Variants in ZCCHC2 observed in about 807,000 individuals in gnomAD.
ZCCHC2 encodes zinc finger CCHC domain-containing protein 2.
A neutral mutation model predicts 103.6 loss-of-function variants in ZCCHC2; 39 were observed. The ratio of observed to expected loss-of-function variants is 0.38; its 90% CI spans 0.29 to 0.49. ZCCHC2 has a LOEUF of 0.49. Ranked by LOEUF, ZCCHC2 falls within the 20% of genes least tolerant of loss-of-function variation. The pLI is 0.96. For missense variants in ZCCHC2, 1,483 were observed against 1,491.0 expected, an observed-to-expected ratio of 0.99 and a Z score of 0.09; for synonymous variants, 687 against 608.9, an observed-to-expected ratio of 1.13 and a Z score of -1.89.
chr18:62,543,165 C>T lies in ZCCHC2; in HGVS notation c.1128+591C>T, dbSNP rs575927265. On this transcript the variant is annotated intron_variant, in intron 3 of 13. Transcript: ENST00000269499. ...TTTTCTCCTCAGGTTGGATGGCACG[C>T]ACCCTGAAGCCAGGTGGAACCATGC... 1.2e-4 allele frequency among the ~76,000 whole-genome samples: 19 copies of T among 152,270 alleles called. No individual in the cohort carries two copies. The East Asian group carries it at 3.3e-3, about 26-fold the overall frequency.
At position 62,554,155 on chromosome 18, in the gene ZCCHC2, C is replaced by A. The variant is rs562424383; in HGVS notation, c.1314-2048C>A. 5.3e-5 allele frequency among the ~76,000 whole-genome samples: 8 copies of A among 152,290 alleles called. No individual in the cohort carries two copies. The East Asian group carries it at 1.3e-3, about 26-fold the overall frequency. On this transcript the variant is annotated intron_variant, in intron 5 of 13. Coordinates refer to ENST00000269499, the MANE Select transcript of ZCCHC2 (RefSeq NM_017742.6). ...ATTTTCCCAAATGGCTGGCCTGTGG[C>A]CTCAACACCATTAATAGGATGTCAG...
At position 62,543,964 on chromosome 18, in the gene ZCCHC2, GCCAGTTAATAAAGATA is replaced by G. The variant is rs1380075619; in HGVS notation, c.1129-834_1129-819del. Among the ~76,000 whole-genome samples the G allele has an allele frequency of 3.3e-5, 5 of 152,120 alleles. No individual in the cohort carries two copies. In the East Asian group the frequency reaches 9.6e-4, roughly 29 times the overall value. Reference sequence around the variant, plus strand: ...ATGTGCCAGTAAAGTAAATAAATGTGCCAGTTAATAAAGATACCAATTTTAGACTTGTAGATAAAAT... The same window carrying G: ...ATGTGCCAGTAAAGTAAATAAATGTGCCAATTTTAGACTTGTAGATAAAAT... On this transcript the variant is annotated intron_variant, in intron 3 of 13. Transcript: ENST00000269499.
rs748361625 is a variant in ZCCHC2 at position 62,574,212 on chromosome 18, C to A, written c.2131C>A (p.Pro711Thr). 8 of 1,614,032 alleles carry A rather than the reference C, an allele frequency of 5.0e-6. No individual in the cohort carries two copies. The highest frequency in any genetic ancestry group is 5.9e-6 in the Non-Finnish European group (7 of 1,179,898). ...GNLLEDPLNS[P>T]KYQHISFMPT... is the part of the protein sequence containing the mutation. ...CCTTTTAGAAGATCCCTTAAACTCA[C>A]CCAAGTATCAGCATATTTCTTTTAT... is the stretch of plus-strand genomic sequence containing the variant. Residue 711 changes from proline (P) to threonine (T), a missense_variant, in exon 13 of 14, where the codon CCC (proline) becomes ACC (threonine). Transcript: ENST00000269499.
rs751668345 is a variant in ZCCHC2, at chr18:62,575,370, G to A, written c.3289G>A (p.Gly1097Ser). ...DPVMGSQANY[G>S]MQQMAGFGRF... ...AGTCATGGGGAGCCAAGCCAACTAT[G>A]GCATGCAGCAGATGGCAGGATTTGG... Residue 1097 changes from glycine (G) to serine (S), a missense_variant, in exon 13 of 14, where the codon GGC becomes AGC. By Grantham distance (56) the Gly-to-Ser change is moderately conservative. Transcript: ENST00000269499. The A allele has an allele frequency of 1.2e-6, 2 of 1,613,824 alleles. No individual in the cohort carries two copies. Among genetic ancestry groups the A allele is most frequent in the African/African-American group, 2.7e-5 (2 of 74,918 alleles).
chr18:62,568,502 T>C (rs1468043218), intron 11 of ZCCHC2, among the ~76,000 whole-genome samples: 2 of 152,230 alleles, frequency 1.3e-5, no homozygotes, highest in African/African-American at 4.8e-5. Flanking sequence ...TTCAGTTCTT[T>C]GGAAGCTGCG....
intron 7 of ZCCHC2, chr18:62,560,314 T>C (rs1237639786): frequency 3.4e-6 from 1 of 297,120 alleles, no homozygotes; most frequent in Non-Finnish European, 6.2e-6. Context: ...TTGGATGTTT[T>C]AGTTTTGTAG....
intron 1 of ZCCHC2, chr18:62,524,784 C>G (rs1026755119): frequency 3.4e-5 from 6 of 176,168 alleles, no homozygotes; most frequent in African/African-American, 1.4e-4. Flanking sequence ...CAGGCAGCGC[C>G]GTCCTTCCCC....
intron 4 of ZCCHC2, among the ~76,000 whole-genome samples, chr18:62,549,454 C>T (rs528881875): frequency 2.6e-5 from 4 of 152,324 alleles, no homozygotes; most frequent in African/African-American, 9.6e-5. Context: ...AGAAAATTTA[C>T]TTCGGACTTC....
At chr18:62,538,679 A>G (rs547640405) in intron 1 of ZCCHC2, among the ~76,000 whole-genome samples, 19 of 152,334 alleles carry the variant, frequency 1.2e-4, no homozygotes, top group South Asian at 6.2e-4. Flanking sequence ...GCAGAAGTTT[A>G]GCTCCCAAAA....
chr18:62,550,282 A>G, intron 4 of ZCCHC2, 66 bp from the exon 5 acceptor site: 1 of 1,220,292 alleles, frequency 8.2e-7, no homozygotes, highest in Non-Finnish European at 1.2e-6. Flanking sequence ...TTATGCATAT[A>G]ACTTGTAACA....
At chr18:62,579,816 G>A (rs1007680146), downstream of ZCCHC2, among the ~76,000 whole-genome samples, 6 of 151,952 alleles carry the variant, frequency 3.9e-5, no homozygotes, top group Non-Finnish European at 7.4e-5. Context: ...TCCACCTCCC[G>A]GGTTCAAGTG....
chr18:62,582,543 G>A (rs982068302), downstream of ZCCHC2, among the ~76,000 whole-genome samples: 1 of 152,166 alleles, frequency 6.6e-6, no homozygotes, highest in Non-Finnish European at 1.5e-5. Flanking sequence ...GCCGGGCATG[G>A]TGGTGTGTGC....
chr18:62,566,341 A>G (rs940581734), intron 11 of ZCCHC2, among the ~76,000 whole-genome samples: 10 of 152,340 alleles, frequency 6.6e-5, no homozygotes, highest in South Asian at 2.1e-4. Context: ...GACAAAACCC[A>G]TCTTGTCTGT....
At chr18:62,531,905 G>A (rs1914694864) in intron 1 of ZCCHC2, among the ~76,000 whole-genome samples, 1 of 152,156 alleles carries the variant, frequency 6.6e-6, no homozygotes, top group African/African-American at 2.4e-5. Context: ...GATCACTTGA[G>A]CCTGGGAGGT....
chr18:62,547,689 G>A (rs1386995294), intron 4 of ZCCHC2, among the ~76,000 whole-genome samples: 1 of 151,978 alleles, frequency 6.6e-6, no homozygotes, highest in African/African-American at 2.4e-5. Flanking sequence ...AGCCTTCCAA[G>A]TAGCTGGGAT....
At chr18:62,558,983 A>T (rs1461463726) in intron 7 of ZCCHC2, among the ~76,000 whole-genome samples, 2 of 152,274 alleles carry the variant, frequency 1.3e-5, no homozygotes, top group East Asian at 3.8e-4. Context: ...TAGACCGTTC[A>T]ATAAATGGTG....
Position 62,575,128 on chromosome 18 carries a change from G to A in ZCCHC2, c.3047G>A (p.Gly1016Glu). The change falls in exon 13 of 14, where the codon GGG becomes GAG. Residue 1016 changes from glycine to glutamate, a missense_variant. Physicochemically the swap from Gly to Glu is moderately conservative, Grantham distance 98. This residue lies in a region of ZCCHC2 where 884 missense variants were observed against 907.5 expected (regional missense o/e 0.97). Coordinates refer to ENST00000269499, the MANE Select transcript of ZCCHC2 (RefSeq NM_017742.6). ...GGCTCAGGTCCTTGTGGTTCTTGTGGGCGAAGGTGCAGCTGTGGGACCAAT... is the reference window on the plus strand; with the variant it reads ...GGCTCAGGTCCTTGTGGTTCTTGTGAGCGAAGGTGCAGCTGTGGGACCAAT... Reference protein sequence around the residue: ...QMGSGPCGSCGRRCSCGTNGN... With the variant: ...QMGSGPCGSCERRCSCGTNGN... 1 of 1,613,994 alleles carries A rather than the reference G, an allele frequency of 6.2e-7. No homozygotes were observed. Among genetic ancestry groups the A allele is most frequent in the Non-Finnish European group, 8.5e-7 (1 of 1,179,894 alleles).
intron 4 of ZCCHC2, among the ~76,000 whole-genome samples, chr18:62,549,791 T>C (rs1210494324): frequency 1.3e-5 from 2 of 152,192 alleles, no homozygotes; most frequent in Non-Finnish European, 2.9e-5. Context: ...TGGCGTGTGG[T>C]TTTTATATAA....
intron 8 of ZCCHC2, among the ~76,000 whole-genome samples, chr18:62,562,001 T>G (rs1382818734): frequency 1.3e-5 from 2 of 152,158 alleles, no homozygotes; most frequent in Non-Finnish European, 2.9e-5. Context: ...TTTTTGTTTT[T>G]GTTTTTGTTT....
Sources: gnomAD v4.1 joint callset for allele counts (sites outside exome capture counted in the v4.1 genomes callset) on GRCh38, gnomAD v4.1.1 for gene constraint, gnomAD v4.1.1 regional missense constraint, MANE v1.5 for transcripts, NCBI Gene and HGNC (gene_info 2026-07-23, HGNC 2026-07-21) for gene names.